Variants in ZHX3 observed in about 807,000 individuals in gnomAD.
ZHX3 encodes the protein zinc fingers and homeoboxes 3.
Under a neutral mutation model 64.5 loss-of-function variants are expected in ZHX3, and 20 were observed. The ratio of observed to expected loss-of-function variants is 0.31; its 90% confidence interval spans 0.22 to 0.45. ZHX3 has a LOEUF of 0.45. ZHX3 is among the 20% of genes least tolerant of loss of function. ZHX3 has a pLI of 1.00. For missense variants in ZHX3, 1,041 were observed against 1,195.8 expected (o/e 0.87, Z 1.91); for synonymous variants, 423 against 461.6 (o/e 0.92, Z 1.07).
rs760986561 is a variant in ZHX3 at position 41,203,479 on chromosome 20, G to A, written c.1438C>T (p.Leu480Phe). Residue 480 changes from leucine (L) to phenylalanine (F), a missense_variant, in exon 3 of 4, where the codon CTC (leucine) becomes TTC (phenylalanine). By Grantham distance (22) the Leu-to-Phe change is conservative. This residue lies in a region of ZHX3 where 649 missense variants were observed against 739.8 expected (regional missense o/e 0.88). Coordinates refer to ENST00000683867, the MANE Select transcript of ZHX3 (RefSeq NM_001384317.1). The surrounding 1 kb of genome is among the most constrained non-coding windows in gnomAD (Gnocchi z 7.1). Reference protein sequence around the residue: ...VKVVNAAQSLLTACPSITSQA... With the variant: ...VKVVNAAQSLFTACPSITSQA... ...GAGGTTATGCTGGGGCAGGCCGTGA[G>A]GAGCGACTGGGCCGCATTGACCACC... 1 of 1,614,216 alleles carries A rather than the reference G, an allele frequency of 6.2e-7. No homozygotes were observed. Among genetic ancestry groups the A allele is most frequent in the South Asian group, 1.1e-5 (1 of 91,084 alleles).
At chr20:41,299,243 A>G (rs2044691977) in intron 1 of ZHX3, among the ~76,000 whole-genome samples, 1 of 152,202 alleles carries the variant, frequency 6.6e-6, no homozygotes, top group South Asian at 2.1e-4. Flanking sequence ...AAAGGTAAAT[A>G]ACAACTCTAT....
intron 2 of ZHX3, among the ~76,000 whole-genome samples, chr20:41,250,791 A>G (rs2041953843): frequency 6.6e-6 from 1 of 152,232 alleles, no homozygotes; most frequent in Admixed American, 6.5e-5. Flanking sequence ...TCTTGAAAGC[A>G]GAGAAAAACA....
rs543020617 is a variant in ZHX3, at chr20:41,199,661, C to T, written c.2860+2396G>A. ...GACAATGATCAGCCTCTGCACTGGC[C>T]CCCTCAGTGATTAAATGCAGTAATC... On this transcript the variant is annotated intron_variant, in intron 3 of 3. Transcript: ENST00000683867. 4.9e-4 allele frequency among the ~76,000 whole-genome samples: 74 copies of T among 151,854 alleles called. 1 individual carries two copies. The highest frequency in any genetic ancestry group is 1.8e-3 in the African/African-American group (74 of 41,442).
intron 1 of ZHX3, among the ~76,000 whole-genome samples, chr20:41,274,982 C>A (rs1242164259): frequency 6.6e-6 from 1 of 152,060 alleles, no homozygotes; most frequent in Non-Finnish European, 1.5e-5. Flanking sequence ...CATGGTGAAA[C>A]CCTGTCTCTA....
intron 1 of ZHX3, among the ~76,000 whole-genome samples, chr20:41,313,551 G>A (rs1291741928): frequency 6.7e-6 from 1 of 149,874 alleles, no homozygotes; most frequent in Non-Finnish European, 1.5e-5. Context: ...ATCAATACCT[G>A]TGGAACAAGT....
chr20:41,225,440 A>T (rs543859861), intron 2 of ZHX3, among the ~76,000 whole-genome samples: 1 of 152,296 alleles, frequency 6.6e-6, no homozygotes, highest in East Asian at 1.9e-4. Flanking sequence ...CTTTCTTTTT[A>T]AAAAATTGTG....
chr20:41,185,260 C>T lies in ZHX3; in HGVS notation c.2861-59G>A. On this transcript the variant is annotated intron_variant, in intron 3 of 3. Transcript: ENST00000683867. This position sits in a 1 kb window ranked among gnomAD's most constrained non-coding sequence, Gnocchi z 5.0. ...CAGCTGCCACCACCTGCCCCCCAGGCAGCCTGGTCCTTGCTATACCAGGGT... is the reference window on the plus strand; with the variant it reads ...CAGCTGCCACCACCTGCCCCCCAGGTAGCCTGGTCCTTGCTATACCAGGGT... 1 of 1,548,680 alleles carries T rather than the reference C, an allele frequency of 6.5e-7. No homozygotes were observed. Among genetic ancestry groups the T allele is most frequent in the Admixed American group, 1.8e-5 (1 of 54,266 alleles).
In ZHX3 at chr20:41,203,817, T is replaced by C; in HGVS notation, c.1100A>G (p.Glu367Gly). 1 of 1,614,232 alleles carries C rather than the reference T, an allele frequency of 6.2e-7. No individual in the cohort carries two copies. Among genetic ancestry groups the C allele is most frequent in the Non-Finnish European group, 8.5e-7 (1 of 1,180,040 alleles). ...CATCTTTTTCCGGGCATCCTCAATC[T>C]CCTCAGGGGACCAGCTGATCCCCTG... The part of the protein sequence containing the change: ...LKQGISWSPE[E>G]IEDARKKMFN... The change falls in exon 3 of 4, where the codon GAG (glutamate) becomes GGG (glycine). Residue 367 changes from glutamate (E) to glycine (G), a missense_variant. By Grantham distance (98) the Glu-to-Gly change is moderately conservative. Transcript: ENST00000683867. This position sits in a 1 kb window ranked among gnomAD's most constrained non-coding sequence, Gnocchi z 7.1.
chr20:41,193,806 A>G (rs1473136101), intron 3 of ZHX3, among the ~76,000 whole-genome samples: 2 of 151,534 alleles, frequency 1.3e-5, no homozygotes, highest in Admixed American at 1.3e-4. Flanking sequence ...TGCCAGGCTC[A>G]AGTGATTCTC....
intron 1 of ZHX3, chr20:41,272,343 T>G (rs563124098): frequency 2.0e-5 from 3 of 152,324 alleles, no homozygotes; most frequent in East Asian, 1.9e-4. Flanking sequence ...ACAGAAATTA[T>G]ATGATGTAAT....
chr20:41,192,810 C>G (rs1305607473), intron 3 of ZHX3, among the ~76,000 whole-genome samples: 1 of 152,212 alleles, frequency 6.6e-6, no homozygotes, highest in East Asian at 1.9e-4. Flanking sequence ...GAGCTCCGTT[C>G]TGGAGCAGTT....
rs1300164631 is a variant in ZHX3 at position 41,184,009 on chromosome 20, G to T, written c.*1182C>A. ...AGTGATGCCCAGCACCCTTGGGCAT[G>T]CATCCAGCACACCGGCCAGACCCTG... On this transcript the variant is annotated 3_prime_UTR_variant, in exon 4 of 4. Coordinates refer to ENST00000683867, the MANE Select transcript of ZHX3 (RefSeq NM_001384317.1). 1 of 152,244 alleles carries T rather than the reference G, an allele frequency of 6.6e-6. No homozygotes were observed. The highest frequency in any genetic ancestry group is 6.5e-5 in the Admixed American group (1 of 15,290). The allele number at this position is 152,244 out of a possible 1,614,324, so 9.4% of individuals were successfully genotyped here. A position where few individuals can be genotyped will look rare whatever the true frequency, so the allele number is the denominator to read the frequency against.
chr20:41,283,820 C>T (rs778143136), intron 1 of ZHX3, among the ~76,000 whole-genome samples: 31 of 152,130 alleles, frequency 2.0e-4, no homozygotes, highest in Non-Finnish European at 4.0e-4. Flanking sequence ...GAGGATCACA[C>T]TCTCCAGTCT....
chr20:41,201,959 G>A lies in ZHX3; in HGVS notation c.2860+98C>T. On this transcript the variant is annotated intron_variant, in intron 3 of 3. Transcript: ENST00000683867. This position sits in a 1 kb window ranked among gnomAD's most constrained non-coding sequence, Gnocchi z 5.0. ...AATGCTGCTGCCAGGCAGCCTTAGA[G>A]ACAGCAGATGCCCCTGTGCAGTAAA... 2.1e-6 allele frequency: 3 copies of A among 1,420,070 alleles called. No homozygotes were observed. Among genetic ancestry groups the A allele is most frequent in the Non-Finnish European group, 2.8e-6 (3 of 1,074,428 alleles). The allele number at this position is 1,420,070 out of a possible 1,614,324, so 88.0% of individuals were successfully genotyped here. A position where few individuals can be genotyped will look rare whatever the true frequency, so the allele number is the denominator to read the frequency against.
chr20:41,250,642 AC>A (rs1207543496), intron 2 of ZHX3, among the ~76,000 whole-genome samples: 3 of 152,228 alleles, frequency 2.0e-5, no homozygotes, highest in Admixed American at 1.3e-4. Context: ...AAAGATAATG[AC>A]TGAAAATTCC....
At chr20:41,260,886 G>A (rs574497954) in intron 2 of ZHX3, among the ~76,000 whole-genome samples, 3 of 152,338 alleles carry the variant, frequency 2.0e-5, no homozygotes, top group Non-Finnish European at 2.9e-5. Context: ...AGAGCCAGGA[G>A]TTAAACTCAG....
intron 3 of ZHX3, among the ~76,000 whole-genome samples, chr20:41,189,740 T>A: frequency 6.6e-6 from 1 of 152,294 alleles, no homozygotes; most frequent in East Asian, 1.9e-4. Flanking sequence ...GTGGAGCATT[T>A]TTGGTTTTTC....
chr20:41,204,829 C>A lies in ZHX3; in HGVS notation c.88G>T (p.Ala30Ser). The stretch of plus-strand genomic sequence containing the variant: ...TGGGGTCCTTCAGGCAAGGTCTCAG[C>A]GGGCTGGGCCTCCATGCTGGCATCT... ...LQDASMEAQP[A>S]ETLPEGPQQD... is the part of the protein sequence containing the mutation. The change falls in exon 3 of 4, where the codon GCT becomes TCT. Residue 30 changes from alanine to serine, a missense_variant. This residue lies in a region of ZHX3 where 358 missense variants were observed against 369.1 expected (regional missense o/e 0.97). Coordinates refer to ENST00000683867, the MANE Select transcript of ZHX3 (RefSeq NM_001384317.1). The surrounding 1 kb of genome is among the most constrained non-coding windows in gnomAD (Gnocchi z 6.6). 1 of 1,605,210 alleles carries A rather than the reference C, an allele frequency of 6.2e-7. No homozygotes were observed. Among genetic ancestry groups the A allele is most frequent in the Non-Finnish European group, 8.5e-7 (1 of 1,175,084 alleles).
chr20:41,264,385 CAAAAAAAA>C (rs1165922837), intron 2 of ZHX3, among the ~76,000 whole-genome samples: 3 of 74,500 alleles, frequency 4.0e-5, no homozygotes, highest in East Asian at 4.2e-4. Context: ...ACCAAAAATA[CAAAAAAAA>C]AAAAAAAAAA....
Sources: gnomAD v4.1 joint callset for allele counts (sites outside exome capture counted in the v4.1 genomes callset) on GRCh38, gnomAD v4.1.1 for gene constraint, gnomAD v4.1.1 regional missense constraint, Gnocchi (gnomAD v3.1) non-coding constraint, MANE v1.5 for transcripts, NCBI Gene and HGNC (gene_info 2026-07-23, HGNC 2026-07-21) for gene names.